The following VSIG4 variants were observed in gnomAD, a reference collection of about 807,000 sequenced individuals.
The protein encoded by VSIG4 is V-set and immunoglobulin domain-containing protein 4.
In VSIG4, 34 loss-of-function variants were observed where a neutral mutation model predicts 23.4. The ratio of observed to expected loss-of-function variants is 1.45; its 90% CI spans 1.10 to 1.93. The LOEUF (loss-of-function observed/expected upper bound fraction) is 1.93. Among genes scored for constraint, VSIG4 ranks in the 30% most tolerant of loss-of-function variants. The probability of loss-of-function intolerance (pLI) is 0.00; values close to 1 mark genes in which losing one functional copy is unlikely to be tolerated. For missense variants in VSIG4, 433 were observed against 310.8 expected, an observed-to-expected ratio of 1.39 and a Z score of -2.96; for synonymous variants, 169 against 120.3, an observed-to-expected ratio of 1.41 and a Z score of -2.65.
At chrX:66,039,648 G>A (rs138828755) in intron 1 of VSIG4, among the ~76,000 whole-genome samples, 6,638 of 111,727 alleles carry the variant, frequency 0.059, 163 homozygotes, top group Middle Eastern at 0.11. Flanking sequence ...GGAAAGATTC[G>A]GATGTCATTG....
rs1481045221 is a variant in VSIG4 at position 66,032,667 on chromosome X, G to A, written c.495C>T (p.Cys165=). ...VPQGMRISLQ[C]QARGSPPISY... is the part of the protein sequence containing the mutation. ...TGATGGGAGGAGAACCCCGAGCCTGGCATTGAAGGCTAATCCTCATTCCCT... is the reference window on the plus strand; with the variant it reads ...TGATGGGAGGAGAACCCCGAGCCTGACATTGAAGGCTAATCCTCATTCCCT... The change falls in exon 3 of 8, where the codon TGC becomes TGT. Residue 165 remains cysteine, a synonymous_variant. Transcript: ENST00000374737. 3 of 1,211,238 alleles carry A rather than the reference G, an allele frequency of 2.5e-6. No individual in the cohort carries two copies. The highest frequency in any genetic ancestry group is 3.5e-5 in the South Asian group (2 of 56,977).
Position 66,022,498 on chromosome X carries a change from G to T in VSIG4, c.965C>A (p.Ala322Glu), listed in dbSNP as rs2085344584. Residue 322 changes from alanine (A) to glutamate (E), a missense_variant and splice_region_variant, in exon 8 of 8, where the codon GCA becomes GAA. Ala to Glu is a moderately radical substitution (Grantham distance 107). Coordinates refer to ENST00000374737, the MANE Select transcript of VSIG4 (RefSeq NM_007268.3). ...QQEHVYEAARAHAREANDSGE... is the reference protein window; with the variant it reads ...QQEHVYEAAREHAREANDSGE... ...AGAGTCGTTGGCCTCTCTGGCATGT[G>T]CCCTATGGCCCAAGAGCCCACCACC... is the stretch of plus-strand genomic sequence containing the variant. The T allele has an allele frequency of 1.7e-6, 2 of 1,209,848 alleles. No individual in the cohort carries two copies. Among genetic ancestry groups the T allele is most frequent in the Non-Finnish European group, 2.2e-6 (2 of 895,092 alleles).
chrX:66,024,314 C>T lies in VSIG4; in HGVS notation c.940+711G>A, dbSNP rs189728604. The stretch of plus-strand genomic sequence containing the variant: ...TTGAAAAATTTGGTAAATTTAGTGC[C>T]CTTGCAAGGCCTAGTGAAGAAAGTC... On this transcript the variant is annotated intron_variant, in intron 6 of 7. Coordinates refer to ENST00000374737, the MANE Select transcript of VSIG4 (RefSeq NM_007268.3). 7.5e-4 allele frequency among the ~76,000 whole-genome samples: 84 copies of T among 112,022 alleles called. 1 individual carries two copies. The highest frequency in any genetic ancestry group is 2.7e-3 in the African/African-American group (84 of 30,852).
rs182662717 is a variant in VSIG4 at position 66,028,033 on chromosome X, A to G, written c.757+17T>C. On this transcript the variant is annotated intron_variant, in intron 4 of 7. Transcript: ENST00000374737. ...TTTTGAACCTCTACTACTTCCTCAG[A>G]CTCTAGCAAAACTCACCTTTCAAGG... The G allele has an allele frequency of 2.5e-6, 3 of 1,204,292 alleles. No individual in the cohort carries two copies. In the African/African-American group the frequency reaches 5.2e-5, roughly 21 times the overall value.
Position 66,021,972 on chromosome X carries a change from A to T in VSIG4, c.*291T>A. 1 of 979,909 alleles carries T rather than the reference A, an allele frequency of 1.0e-6. No homozygotes were observed. Among genetic ancestry groups the T allele is most frequent in the East Asian group, 3.7e-5 (1 of 26,701 alleles). The allele number at this position is 979,909 out of a possible 1,213,427, so 80.8% of individuals were successfully genotyped here. On this transcript the variant is annotated 3_prime_UTR_variant, in exon 8 of 8. Transcript: ENST00000374737. Reference sequence around the variant, plus strand: ...CCAAAGTTGAATAGTGTCTGTAGGCATGATGACCAAGTCCTAGTGCTATGG... The same window carrying T: ...CCAAAGTTGAATAGTGTCTGTAGGCTTGATGACCAAGTCCTAGTGCTATGG...
intron 1 of VSIG4, among the ~76,000 whole-genome samples, chrX:66,037,912 G>A (rs1007511787): frequency 9.3e-6 from 1 of 107,441 alleles, no homozygotes; most frequent in East Asian, 2.9e-4. Context: ...GAATTTACTA[G>A]GTGTGTGCTC....
In VSIG4 at chrX:66,024,590, C is replaced by G. The variant is rs142075358; in HGVS notation, c.940+435G>C. On this transcript the variant is annotated intron_variant, in intron 6 of 7. Transcript: ENST00000374737. ...CTTCTGAAATCCCTTGCTAATTACCCAAGCCTTAAATTACTCTCTTCTCCT... is the reference window on the plus strand; with the variant it reads ...CTTCTGAAATCCCTTGCTAATTACCGAAGCCTTAAATTACTCTCTTCTCCT... Among the ~76,000 whole-genome samples, 474 of 111,949 alleles carry G rather than the reference C, an allele frequency of 4.2e-3. 5 individuals carry two copies. Among genetic ancestry groups the G allele is most frequent in the African/African-American group, 0.015 (460 of 30,827 alleles).
Position 66,040,029 on chromosome X carries a change from C to T in VSIG4, c.-31G>A. 1 of 1,207,238 alleles carries T rather than the reference C, an allele frequency of 8.3e-7. No homozygotes were observed. The highest frequency in any genetic ancestry group is 2.3e-4 in the Middle Eastern group (1 of 4,285). The stretch of plus-strand genomic sequence containing the variant: ...CCAGAGCTACTTCTGTCCTTTCTTC[C>T]AGCCTCCTGCTACCAAAGAGGCTCA... On this transcript the variant is annotated 5_prime_UTR_variant, in exon 1 of 8. Transcript: ENST00000374737.
At chrX:66,035,150 A>G (rs1240154141) in intron 1 of VSIG4, among the ~76,000 whole-genome samples, 1 of 111,079 alleles carries the variant, frequency 9.0e-6, no homozygotes, top group Non-Finnish European at 1.9e-5. Context: ...CCCTTAGAAC[A>G]TCAATAGCAT....
At chrX:66,033,268 G>A (rs1237873732) in intron 2 of VSIG4, among the ~76,000 whole-genome samples, 1 of 111,176 alleles carries the variant, frequency 9.0e-6, no homozygotes, top group Admixed American at 9.6e-5. Context: ...TTGCAGGTCA[G>A]GAACCCTTCC....
chrX:66,022,806 CG>C (rs2147652336), intron 7 of VSIG4, 34 bp downstream of exon 7: 1 of 1,210,966 alleles, frequency 8.3e-7, no homozygotes, highest in African/African-American at 1.7e-5. Flanking sequence ...AGGGCAGGGA[CG>C]GGGTCAAAAA....
chrX:66,036,692 T>TA lies in VSIG4; in HGVS notation c.56-2863dup, dbSNP rs1283968007. Among the ~76,000 whole-genome samples the TA allele has an allele frequency of 2.9e-3, 171 of 59,716 alleles. 1 individual carries two copies. The highest frequency in any genetic ancestry group is 4.4e-3 in the Non-Finnish European group (157 of 35,657). 51.9% of individuals were successfully genotyped at this position (59,716 alleles called of 115,157 possible). ...ATATAATATATATAATACGATATAT[T>TA]ATTAATATATTATAATTATATAATA... On this transcript the variant is annotated intron_variant, in intron 1 of 7. Coordinates refer to ENST00000374737, the MANE Select transcript of VSIG4 (RefSeq NM_007268.3).
chrX:66,026,602 T>G (rs1046443552), intron 5 of VSIG4, among the ~76,000 whole-genome samples: 1 of 111,778 alleles, frequency 8.9e-6, no homozygotes, highest in African/African-American at 3.3e-5. Context: ...TGCCAAGGGA[T>G]AGCCAAAAAA....
Position 66,022,473 on chromosome X carries a change from A to C in VSIG4, c.990T>G (p.Ser330=), listed in dbSNP as rs745800896. The stretch of plus-strand genomic sequence containing the variant: ...AGATGGCCACCCTCATGGTTTCTCC[A>C]GAGTCGTTGGCCTCTCTGGCATGTG... ...ARAHAREAND[S]GETMRVAIFA... Residue 330 remains serine (S), a synonymous_variant, in exon 8 of 8, where the codon TCT becomes TCG. Transcript: ENST00000374737. The C allele has an allele frequency of 2.0e-5, 24 of 1,210,766 alleles. No homozygotes were observed. In the African/African-American group the frequency reaches 4.2e-4, roughly 21 times the overall value.
intron 1 of VSIG4, among the ~76,000 whole-genome samples, chrX:66,037,838 A>T (rs1310191915): frequency 1.3e-5 from 1 of 78,062 alleles, no homozygotes; most frequent in Non-Finnish European, 2.3e-5. Context: ...TGTGGTCCTG[A>T]GACCCAGCCT....
chrX:66,038,532 CACAA>C (rs748360059), intron 1 of VSIG4, among the ~76,000 whole-genome samples: 12 of 110,837 alleles, frequency 1.1e-4, no homozygotes, highest in South Asian at 3.8e-4. Context: ...CATACACACA[CACAA>C]ACAAAGGATT....
chrX:66,027,499 T>A lies in VSIG4; in HGVS notation c.785A>T (p.Asp262Val). The change falls in exon 5 of 8, where the codon GAC becomes GTC. Residue 262 changes from aspartate to valine, a missense_variant. Asp to Val is a radical substitution (Grantham distance 152). Coordinates refer to ENST00000374737, the MANE Select transcript of VSIG4 (RefSeq NM_007268.3). ...KATSTVKQSWDWTTDMDGYLG... is the reference protein window; with the variant it reads ...KATSTVKQSWVWTTDMDGYLG... ...GTAGCCATCCATGTCAGTGGTCCAG[T>A]CCCAGGACTGCTTCACTGTAGATGT... The A allele has an allele frequency of 8.3e-7, 1 of 1,202,307 alleles. No individual in the cohort carries two copies. Among genetic ancestry groups the A allele is most frequent in the Non-Finnish European group, 1.1e-6 (1 of 889,702 alleles).
intron 6 of VSIG4, 35 bp downstream of exon 6, chrX:66,024,990 T>C: frequency 9.6e-7 from 1 of 1,047,113 alleles, no homozygotes; most frequent in South Asian, 2.3e-5. Context: ...AAAGAACAAA[T>C]GAGCCAAAGC....
intron 1 of VSIG4, among the ~76,000 whole-genome samples, chrX:66,039,456 A>G (rs969670908): frequency 8.9e-6 from 1 of 111,979 alleles, no homozygotes; most frequent in African/African-American, 3.2e-5. Context: ...CTCAATCACT[A>G]CTGGATGTTT....
Sources: gnomAD v4.1 joint callset for allele counts (sites outside exome capture counted in the v4.1 genomes callset) on GRCh38, gnomAD v4.1.1 for gene constraint, MANE v1.5 for transcripts, NCBI Gene and HGNC (gene_info 2026-07-23, HGNC 2026-07-21) for gene names.